The following INPP4B variants were observed in gnomAD, a reference collection of about 807,000 sequenced individuals.
INPP4B encodes inositol polyphosphate-4-phosphatase type II B.
INPP4B carries 55 observed loss-of-function variants against 122.5 expected under a neutral mutation model. The ratio of observed to expected loss-of-function variants is 0.45; its 90% CI spans 0.36 to 0.56. The LOEUF (loss-of-function observed/expected upper bound fraction) is 0.56, where lower values mean the gene tolerates loss of function less well. Among genes scored for constraint, INPP4B ranks in the 20% least tolerant of loss-of-function variants. INPP4B has a pLI of 0.00. For synonymous variants in INPP4B, 403 were observed against 388.7 expected (o/e 1.04, Z -0.43); for missense variants, 1,000 against 1,097.7 (o/e 0.91, Z 1.26).
At chr4:142,268,877 G>A (rs1287153008) in intron 10 of INPP4B, among the ~76,000 whole-genome samples, 2 of 152,048 alleles carry the variant, frequency 1.3e-5, no homozygotes, top group Non-Finnish European at 2.9e-5. Context: ...AACTGCCTTT[G>A]TTTTTTTCCC....
intron 23 of INPP4B, among the ~76,000 whole-genome samples, chr4:142,095,216 T>A (rs1387007205): frequency 1.3e-5 from 2 of 152,108 alleles, no homozygotes; most frequent in Admixed American, 1.3e-4. Flanking sequence ...GGGAGAATGA[T>A]AAAATAAAGG....
At chr4:142,308,576 A>G (rs1335735727) in intron 8 of INPP4B, among the ~76,000 whole-genome samples, 1 of 152,180 alleles carries the variant, frequency 6.6e-6, no homozygotes, top group East Asian at 1.9e-4. Context: ...TCTTTTATCT[A>G]TGTGAATACT....
At chr4:142,199,237 G>A (rs971577667) in intron 14 of INPP4B, among the ~76,000 whole-genome samples, 4 of 151,700 alleles carry the variant, frequency 2.6e-5, no homozygotes, top group South Asian at 2.1e-4. Flanking sequence ...TGCTCAATTC[G>A]GTTTGTCTTG....
chr4:142,171,291 T>C (rs1423947761), intron 16 of INPP4B, among the ~76,000 whole-genome samples: 2 of 151,782 alleles, frequency 1.3e-5, no homozygotes, highest in Non-Finnish European at 2.9e-5. Context: ...TAAGCATGAA[T>C]ATAGATAACT....
At position 142,581,300 on chromosome 4, in the gene INPP4B, T is replaced by C. The variant is rs143014888; in HGVS notation, c.-190-118574A>G. Among the ~76,000 whole-genome samples, 410 of 152,154 alleles carry C rather than the reference T, an allele frequency of 2.7e-3. 6 individuals are homozygous for C. Among genetic ancestry groups the C allele is most frequent in the East Asian group, 0.018 (93 of 5,158 alleles). ...GTGCTATACAAGAAAAGCACTCAAG[T>C]ATTTCTACACAGCTGTTATCTCTCA... is the stretch of plus-strand genomic sequence containing the variant. On this transcript the variant is annotated intron_variant, in intron 2 of 25. Coordinates refer to ENST00000262992, the MANE Select transcript of INPP4B (RefSeq NM_001101669.3).
chr4:142,773,501 C>G (rs1307153788), intron 1 of INPP4B, among the ~76,000 whole-genome samples: 4 of 152,128 alleles, frequency 2.6e-5, no homozygotes, highest in African/African-American at 9.7e-5. Flanking sequence ...ACATTACTCT[C>G]TATACATTCG....
intron 25 of INPP4B, among the ~76,000 whole-genome samples, chr4:142,065,504 T>A (rs1468347254): frequency 6.6e-6 from 1 of 152,132 alleles, no homozygotes; most frequent in Non-Finnish European, 1.5e-5. Flanking sequence ...CTGCACAGAA[T>A]ACTCACAAAG....
intron 9 of INPP4B, among the ~76,000 whole-genome samples, chr4:142,284,307 A>C (rs917018798): frequency 6.6e-6 from 1 of 152,146 alleles, no homozygotes; most frequent in Non-Finnish European, 1.5e-5. Flanking sequence ...ATAATTTATG[A>C]TGCAAAAGAA....
chr4:142,562,934 G>T (rs2150127224), intron 2 of INPP4B, among the ~76,000 whole-genome samples: 1 of 152,180 alleles, frequency 6.6e-6, no homozygotes, highest in African/African-American at 2.4e-5. Flanking sequence ...GGGATACAAA[G>T]GTACAGACGT....
rs537088341 is a variant in INPP4B, at chr4:142,823,728, G to A, written c.-254+22481C>T. On this transcript the variant is annotated intron_variant, in intron 1 of 25. Coordinates refer to ENST00000262992, the MANE Select transcript of INPP4B (RefSeq NM_001101669.3). ...TGATTGTTCCAGTTGGAATGATAGC[G>A]TTTTGATAAAAGCTATTCTTGCTAC... Among the ~76,000 whole-genome samples, 23 of 152,220 alleles carry A rather than the reference G, an allele frequency of 1.5e-4. 1 individual carries two copies. The highest frequency in any genetic ancestry group is 4.3e-4 in the African/African-American group (18 of 41,558).
Position 142,616,639 on chromosome 4 carries a change from CA to C in INPP4B, c.-191+109199del, listed in dbSNP as rs1157275861. On this transcript the variant is annotated intron_variant, in intron 2 of 25. Transcript: ENST00000262992. Reference sequence around the variant, plus strand: ...TTCCTTGAAAGCTGAAGATGTTGAGCATCTTTTCACGTGCAGCATTATTCAT... The same window carrying C: ...TTCCTTGAAAGCTGAAGATGTTGAGCTCTTTTCACGTGCAGCATTATTCAT... Among the ~76,000 whole-genome samples the C allele has an allele frequency of 7.2e-5, 11 of 152,218 alleles. No homozygotes were observed. In the East Asian group the frequency reaches 2.1e-3, roughly 29 times the overall value.
At chr4:142,656,550 G>C (rs1053798547) in intron 2 of INPP4B, among the ~76,000 whole-genome samples, 3 of 152,112 alleles carry the variant, frequency 2.0e-5, no homozygotes, top group Non-Finnish European at 4.4e-5. Context: ...CTTTGCTGGG[G>C]CTAGGATGCA....
chr4:142,686,607 C>A (rs1348362), intron 2 of INPP4B, among the ~76,000 whole-genome samples: 16,474 of 152,076 alleles, frequency 0.11, 918 homozygotes, highest in South Asian at 0.15. Flanking sequence ...TTGACATTTT[C>A]TATTAATCAT....
At chr4:142,496,501 T>G (rs1020550264) in intron 2 of INPP4B, among the ~76,000 whole-genome samples, 2 of 152,158 alleles carry the variant, frequency 1.3e-5, no homozygotes, top group African/African-American at 4.8e-5. Context: ...CAAACAAGAT[T>G]CCAAAATGGT....
intron 2 of INPP4B, among the ~76,000 whole-genome samples, chr4:142,696,195 T>C (rs1760998962): frequency 6.6e-6 from 1 of 152,150 alleles, no homozygotes; most frequent in Non-Finnish European, 1.5e-5. Flanking sequence ...ACTCTGATTC[T>C]AAAACAGATC....
At chr4:142,177,564 C>T (rs1456341824) in intron 15 of INPP4B, among the ~76,000 whole-genome samples, 2 of 151,890 alleles carry the variant, frequency 1.3e-5, no homozygotes, top group African/African-American at 4.8e-5. Context: ...CTGCAAAGCA[C>T]AGATAATGAA....
chr4:142,092,012 T>A (rs1779784739), intron 23 of INPP4B, among the ~76,000 whole-genome samples: 1 of 152,172 alleles, frequency 6.6e-6, no homozygotes, highest in South Asian at 2.1e-4. Flanking sequence ...GTGTGATCCA[T>A]ACCCCTTGAA....
intron 2 of INPP4B, among the ~76,000 whole-genome samples, chr4:142,631,728 C>G (rs1469978470): frequency 6.6e-6 from 1 of 152,124 alleles, no homozygotes; most frequent in Non-Finnish European, 1.5e-5. Context: ...AACAATTACT[C>G]TGTCAGCTAA....
intron 9 of INPP4B, among the ~76,000 whole-genome samples, chr4:142,285,745 A>C (rs986235988): frequency 2.6e-5 from 4 of 152,080 alleles, no homozygotes; most frequent in Non-Finnish European, 5.9e-5. Context: ...GAGAGGTAGA[A>C]GGATGATCCG....
Sources: gnomAD v4.1 joint callset for allele counts (sites outside exome capture counted in the v4.1 genomes callset) on GRCh38, gnomAD v4.1.1 for gene constraint, MANE v1.5 for transcripts, NCBI Gene and HGNC (gene_info 2026-07-23, HGNC 2026-07-21) for gene names.